The following CCDC3 variants were observed in gnomAD, a reference collection of about 807,000 sequenced individuals.
CCDC3 encodes coiled-coil domain-containing protein 3.
In CCDC3, 24 loss-of-function variants were observed where a neutral mutation model predicts 21.4. The ratio of observed to expected loss-of-function variants is 1.12; its 90% confidence interval spans 0.81 to 1.58. The LOEUF is 1.58. Among genes scored for constraint, CCDC3 ranks in the 40% most tolerant of loss-of-function variants. The probability of loss-of-function intolerance (pLI) is 0.00; values close to 1 mark genes in which losing one functional copy is unlikely to be tolerated. For synonymous variants in CCDC3, 186 were observed against 166.0 expected (o/e 1.12, Z -0.93); for missense variants, 425 against 360.9 (o/e 1.18, Z -1.44).
chr10:12,974,247 C>T (rs535228776), intron 2 of CCDC3, among the ~76,000 whole-genome samples: 7 of 152,336 alleles, frequency 4.6e-5, no homozygotes, highest in Non-Finnish European at 8.8e-5. Flanking sequence ...GCCAGATGTG[C>T]GAACTTCCTG....
At chr10:13,015,403 C>T (rs618640) in intron 5 of CCDC3, among the ~76,000 whole-genome samples, 96,987 of 151,774 alleles carry the variant, frequency 0.64, 31,820 homozygotes, top group East Asian at 0.74. Context: ...AATTCATCCC[C>T]GCTCTTGCCA....
At chr10:13,015,798 A>T (rs1247983468) in intron 5 of CCDC3, among the ~76,000 whole-genome samples, 1 of 152,030 alleles carries the variant, frequency 6.6e-6, no homozygotes, top group Non-Finnish European at 1.5e-5. Context: ...GCTCTTCAGT[A>T]GGAGAGCCTA....
chr10:12,929,163 A>G (rs139573439), intron 2 of CCDC3, among the ~76,000 whole-genome samples: 6,645 of 151,180 alleles, frequency 0.044, 251 homozygotes, highest in East Asian at 0.18. Context: ...TTGGGAGGCT[A>G]AGGCAGGATA....
intron 3 of CCDC3, among the ~76,000 whole-genome samples, chr10:13,080,155 A>G (rs1354089621): frequency 1.3e-5 from 2 of 152,218 alleles, no homozygotes; most frequent in East Asian, 1.9e-4. Context: ...ACCCAGCCCA[A>G]GAGACTGAGT....
chr10:13,013,949 G>C (rs1273915449), intron 5 of CCDC3, among the ~76,000 whole-genome samples: 2 of 152,054 alleles, frequency 1.3e-5, no homozygotes, highest in Non-Finnish European at 2.9e-5. Flanking sequence ...TCAGGAGCTT[G>C]AGACCAGCCT....
intron 2 of CCDC3, among the ~76,000 whole-genome samples, chr10:12,919,021 A>G (rs1423895507): frequency 6.6e-6 from 1 of 152,084 alleles, no homozygotes; most frequent in African/African-American, 2.4e-5. Context: ...GTGCCACTGC[A>G]CTCCAGCCTG....
Position 13,016,819 on chromosome 10 carries a change from C to G in CCDC3, c.-1-18307G>C, listed in dbSNP as rs1836068182. On this transcript the variant is annotated intron_variant, in intron 5 of 6. Coordinates refer to the CCDC3 transcript ENST00000378839. Reference sequence around the variant, plus strand: ...ATTTTTCTTCCCCTGCACATTAATACAGGGTACATCTTCAAGAGGCGACCT... The same window carrying G: ...ATTTTTCTTCCCCTGCACATTAATAGAGGGTACATCTTCAAGAGGCGACCT... Among the ~76,000 whole-genome samples the G allele has an allele frequency of 3.3e-5, 5 of 152,068 alleles. 1 individual carries two copies. The South Asian group carries it at 1.0e-3, about 32-fold the overall frequency.
chr10:13,059,406 C>T (rs484189), intron 4 of CCDC3, among the ~76,000 whole-genome samples: 87,875 of 151,986 alleles, frequency 0.58, 26,383 homozygotes, highest in African/African-American at 0.74. Context: ...ATCTTTGTTA[C>T]AGCAACAATA....
chr10:12,998,438 T>G lies in CCDC3; in HGVS notation c.449A>C (p.Asn150Thr), dbSNP rs573263826. 6 of 1,614,198 alleles carry G rather than the reference T, an allele frequency of 3.7e-6. No individual in the cohort carries two copies. The Admixed American group carries it at 6.7e-5, about 18-fold the overall frequency. ...GAAAAGGCTAGAAAACATCCTTCTG[T>G]TCTCTTGAGTGTCTGGGAAGATGGC... ...QDAIFPDTQE[N>T]RRMFSSLFQF... Residue 150 changes from asparagine (N) to threonine (T), a missense_variant, in exon 2 of 3, where the codon AAC becomes ACC. By Grantham distance (65) the Asn-to-Thr change is moderately conservative (BLOSUM62 0). Transcript: ENST00000378825.
intron 5 of CCDC3, among the ~76,000 whole-genome samples, chr10:13,024,081 G>A (rs1836185035): frequency 6.6e-6 from 1 of 152,094 alleles, no homozygotes; most frequent in African/African-American, 2.4e-5. Flanking sequence ...TGCCCTCTGT[G>A]CTTTAGGCTC....
intron 5 of CCDC3, among the ~76,000 whole-genome samples, chr10:13,041,628 G>A (rs1564329969): frequency 7.2e-6 from 1 of 139,748 alleles, no homozygotes; most frequent in Non-Finnish European, 1.5e-5. Context: ...CAGTTCAAGT[G>A]ATTCTCCTGC....
At chr10:13,099,356 C>T (rs1832685725) in intron 1 of CCDC3, 1 of 150,600 alleles carries the variant, frequency 6.6e-6, no homozygotes, top group Non-Finnish European at 1.5e-5. Flanking sequence ...TTTTTTCTCT[C>T]CCTCTCTCCC....
At chr10:12,979,104 CCTAA>C (rs1450758996) in intron 2 of CCDC3, among the ~76,000 whole-genome samples, 4 of 152,040 alleles carry the variant, frequency 2.6e-5, no homozygotes, top group African/African-American at 9.7e-5. Context: ...CTCGTGAGCC[CCTAA>C]CTCTTTCAGG....
At chr10:12,921,729 T>C (rs1156943736) in intron 2 of CCDC3, among the ~76,000 whole-genome samples, 1 of 151,650 alleles carries the variant, frequency 6.6e-6, no homozygotes, top group African/African-American at 2.4e-5. Flanking sequence ...AAAGTTATCG[T>C]AGCCGGTTTC....
At chr10:13,048,130 G>A (rs561288075) in intron 5 of CCDC3, among the ~76,000 whole-genome samples, 3 of 152,136 alleles carry the variant, frequency 2.0e-5, no homozygotes, top group Non-Finnish European at 2.9e-5. Context: ...CAAAAGAAAA[G>A]GTAGCTTCTT....
intron 2 of CCDC3, among the ~76,000 whole-genome samples, chr10:12,997,839 C>T (rs1835785748): frequency 6.6e-6 from 1 of 152,082 alleles, no homozygotes; most frequent in Non-Finnish European, 1.5e-5. Context: ...CAGGGGTGTC[C>T]AATCTTTTGG....
chr10:13,074,717 C>T (rs943028531), intron 3 of CCDC3, among the ~76,000 whole-genome samples: 1 of 152,136 alleles, frequency 6.6e-6, no homozygotes, highest in Non-Finnish European at 1.5e-5. Flanking sequence ...CACATACACA[C>T]ACTCACATGA....
At chr10:13,089,682 T>A (rs2782273) in intron 3 of CCDC3, among the ~76,000 whole-genome samples, 100,001 of 150,748 alleles carry the variant, frequency 0.66, 33,785 homozygotes, top group Non-Finnish European at 0.72. Context: ...ATTTAAATTT[T>A]AATTTTTTTA....
intron 2 of CCDC3, among the ~76,000 whole-genome samples, chr10:12,975,777 C>T (rs915979426): frequency 6.6e-6 from 1 of 152,208 alleles, no homozygotes; most frequent in Non-Finnish European, 1.5e-5. Flanking sequence ...CAAAGCATCT[C>T]ACTCCTACTG....
Sources: allele counts gnomAD v4.1 joint callset (sites outside exome capture counted in the v4.1 genomes callset), GRCh38; gene constraint gnomAD v4.1.1; transcripts MANE v1.5; gene names NCBI Gene and HGNC (gene_info 2026-07-23, HGNC 2026-07-21).